The following KALRN variants were observed in gnomAD, a reference collection of about 807,000 sequenced individuals.
KALRN encodes the protein kalirin RhoGEF kinase, also known as kalirin.
In KALRN, 70 loss-of-function variants were observed where a neutral mutation model predicts 353.7. The observed-to-expected ratio is 0.20, with a 90% CI of 0.16 to 0.24. The LOEUF (loss-of-function observed/expected upper bound fraction) is 0.24. KALRN is among the 10% of genes least tolerant of loss of function. The pLI is 1.00. For synonymous variants in KALRN, 1,391 were observed against 1,434.8 expected (o/e 0.97, Z 0.69); for missense variants, 2,791 against 3,756.7 (o/e 0.74, Z 6.72).
At chr3:124,070,980 C>A (rs2059988697) in intron 1 of KALRN, among the ~76,000 whole-genome samples, 1 of 50,984 alleles carries the variant, frequency 2.0e-5, no homozygotes, top group Non-Finnish European at 4.9e-5. Context: ...TTGTCTTGCT[C>A]CCTTCCACTG....
chr3:124,094,754 A>G, intron 1 of KALRN: 6 of 1,181,506 alleles, frequency 5.1e-6, no homozygotes, highest in Non-Finnish European at 7.6e-6. Context: ...CCCAGCGTCA[A>G]GTGATTCCGG....
chr3:124,413,509 C>T lies in KALRN; in HGVS notation c.2386C>T (p.Arg796Trp), dbSNP rs773381868. ...ELDAWNEDLL[R>W]QMNDFNTEDL... ...AGACGCCTGGAATGAAGACTTGCTT[C>T]GGCAGATGAATGACTTCAACACAGA... is the stretch of plus-strand genomic sequence containing the variant. The change falls in exon 14 of 60, where the codon CGG becomes TGG. Residue 796 changes from arginine to tryptophan, a missense_variant. Arg to Trp is a moderately radical substitution (Grantham distance 101, BLOSUM62 -3). Around this residue, in one of 11 missense-constraint regions of KALRN, gnomAD observed 452 missense variants for 575.8 expected, o/e 0.78. Coordinates refer to ENST00000682506, the MANE Select transcript of KALRN (RefSeq NM_001388419.1). 5 of 1,614,088 alleles carry T rather than the reference C, an allele frequency of 3.1e-6. No individual in the cohort carries two copies. The highest frequency in any genetic ancestry group is 4.2e-6 in the Non-Finnish European group (5 of 1,179,994).
At chr3:124,123,194 C>A (rs1359319867) in intron 1 of KALRN, among the ~76,000 whole-genome samples, 1 of 56,270 alleles carries the variant, frequency 1.8e-5, no homozygotes. Flanking sequence ...AGCAAGACTC[C>A]ATCTCAAAAA....
At chr3:124,389,405 A>G (rs2088969369) in intron 11 of KALRN, among the ~76,000 whole-genome samples, 1 of 152,222 alleles carries the variant, frequency 6.6e-6, no homozygotes, top group Non-Finnish European at 1.5e-5. Flanking sequence ...TCAGAGAGGA[A>G]ACAGGAGGAA....
At chr3:124,311,195 C>T (rs935693631) in intron 6 of KALRN, among the ~76,000 whole-genome samples, 1 of 150,072 alleles carries the variant, frequency 6.7e-6, no homozygotes, top group Non-Finnish European at 1.5e-5. Context: ...CGCAGTGGCT[C>T]ACGCCTATAA....
At chr3:124,322,471 G>T (rs1249859457) in intron 6 of KALRN, among the ~76,000 whole-genome samples, 1 of 152,204 alleles carries the variant, frequency 6.6e-6, no homozygotes, top group Non-Finnish European at 1.5e-5. Flanking sequence ...GGCATTGAAG[G>T]CTGGCAGGGA....
intron 10 of KALRN, among the ~76,000 whole-genome samples, chr3:124,368,852 G>A (rs147513106): frequency 0.015 from 2,337 of 152,316 alleles, 37 homozygotes; most frequent in African/African-American, 0.044. Context: ...TCGCGGTTAG[G>A]GGCTGGAGAC....
intron 33 of KALRN, 76 bp downstream of exon 33, chr3:124,496,489 G>A: frequency 9.3e-7 from 1 of 1,075,046 alleles, no homozygotes; most frequent in Admixed American, 1.7e-5. Flanking sequence ...TACCCCTAGA[G>A]AATTTCTCTC....
At position 124,700,017 on chromosome 3, in the gene KALRN, G is replaced by A. The variant is rs1320617333; in HGVS notation, c.7980G>A (p.Val2660=). The A allele has an allele frequency of 1.2e-6, 2 of 1,614,094 alleles. No homozygotes were observed. The highest frequency in any genetic ancestry group is 1.1e-5 in the South Asian group (1 of 91,074). ...ISLPSEPSEF[V]RLPEYDAAAD... ...TTCCCAGCGAGCCCTCGGAGTTTGT[G>A]CGACTTCCAGAATATGGTGAGTCCC... Residue 2660 remains valine (V), a synonymous_variant, in exon 56 of 60, where the codon GTG becomes GTA. Transcript: ENST00000682506.
chr3:124,037,874 C>A (rs1003832886), intron 1 of KALRN, among the ~76,000 whole-genome samples: 26 of 152,082 alleles, frequency 1.7e-4, no homozygotes, highest in Admixed American at 1.0e-3. Context: ...AAGACAGGAC[C>A]TGGTTTTGCA....
intron 14 of KALRN, among the ~76,000 whole-genome samples, chr3:124,417,430 T>G (rs2092566456): frequency 6.6e-6 from 1 of 152,196 alleles, no homozygotes; most frequent in African/African-American, 2.4e-5. Context: ...ACTTTAGGAA[T>G]AAGACAAGAG....
chr3:124,330,242 TCTCTCA>T (rs1461132009), intron 8 of KALRN, among the ~76,000 whole-genome samples: 27 of 104,374 alleles, frequency 2.6e-4, no homozygotes, highest in African/African-American at 1.0e-3. Flanking sequence ...TCTCTCTCTC[TCTCTCA>T]CACACACACA....
intron 10 of KALRN, among the ~76,000 whole-genome samples, chr3:124,368,642 T>A (rs542272229): frequency 6.8e-6 from 1 of 148,110 alleles, no homozygotes. Context: ...GAGACACTCC[T>A]CACTTCCCAG....
intron 12 of KALRN, among the ~76,000 whole-genome samples, chr3:124,396,235 G>A (rs1469303475): frequency 1.3e-5 from 2 of 149,542 alleles, no homozygotes; most frequent in Non-Finnish European, 3.0e-5. Context: ...AGGGCCTGAG[G>A]GAATTACGTC....
At chr3:124,429,578 C>T (rs1465323240) in intron 15 of KALRN, among the ~76,000 whole-genome samples, 5 of 152,162 alleles carry the variant, frequency 3.3e-5, no homozygotes, top group African/African-American at 1.2e-4. Context: ...GACCAGACAC[C>T]AGGTAGGTTT....
At chr3:124,063,263 A>G (rs1389439759) in intron 1 of KALRN, among the ~76,000 whole-genome samples, 1 of 152,164 alleles carries the variant, frequency 6.6e-6, no homozygotes, top group African/African-American at 2.4e-5. Context: ...TAATCATGTC[A>G]TGGCAGCCAG....
At chr3:124,278,256 A>G (rs2074976476) in intron 5 of KALRN, among the ~76,000 whole-genome samples, 1 of 151,928 alleles carries the variant, frequency 6.6e-6, no homozygotes, top group Non-Finnish European at 1.5e-5. Context: ...CAGTGGCTAG[A>G]ACCCAGGTGA....
At chr3:124,258,126 A>G (rs1042538924) in intron 3 of KALRN, among the ~76,000 whole-genome samples, 1 of 152,194 alleles carries the variant, frequency 6.6e-6, no homozygotes, top group African/African-American at 2.4e-5. Flanking sequence ...TTGGTTGGCC[A>G]GAGAGCACCA....
At position 124,485,007 on chromosome 3, in the gene KALRN, A is replaced by C. The variant is rs199745982; in HGVS notation, c.4284+2107A>C. On this transcript the variant is annotated intron_variant, in intron 28 of 59. Coordinates refer to ENST00000682506, the MANE Select transcript of KALRN (RefSeq NM_001388419.1). ...GCTACTCAGGAGGCTGAGGCATGAG[A>C]ATTGCTTGAGCCTCGGAGGCAGAGG... 6.6e-5 allele frequency among the ~76,000 whole-genome samples: 10 copies of C among 152,260 alleles called. No homozygotes were observed. The East Asian group carries it at 1.5e-3, about 24-fold the overall frequency.
Sources: gnomAD v4.1 joint callset for allele counts (sites outside exome capture counted in the v4.1 genomes callset) on GRCh38, gnomAD v4.1.1 for gene constraint, gnomAD v4.1.1 regional missense constraint, MANE v1.5 for transcripts, NCBI Gene and HGNC (gene_info 2026-07-23, HGNC 2026-07-21) for gene names.